RS1: variants seen among roughly 807,000 people sequenced by gnomAD.
The protein encoded by RS1 is retinoschisin.
In RS1, 2 loss-of-function variants were observed where a neutral mutation model predicts 20.8. That is an observed-to-expected ratio of 0.10 (90% CI 0.04 to 0.30). The LOEUF is 0.30. Among genes scored for constraint, RS1 ranks in the 10% least tolerant of loss-of-function variants. RS1 has a pLI of 1.00. For synonymous variants in RS1, 70 were observed against 75.8 expected (o/e 0.92, Z 0.40); for missense variants, 151 against 189.8 (o/e 0.80, Z 1.20).
At chrX:18,656,392 G>A (rs760724708) in intron 3 of RS1, among the ~76,000 whole-genome samples, 2 of 112,208 alleles carry the variant, frequency 1.8e-5, no homozygotes, top group Non-Finnish European at 3.8e-5. Flanking sequence ...CTAGGGAGCT[G>A]TTTCTGAACA....
At chrX:18,663,526 A>G (rs1367818735) in intron 1 of RS1, among the ~76,000 whole-genome samples, 1 of 108,071 alleles carries the variant, frequency 9.3e-6, no homozygotes, top group African/African-American at 3.4e-5. Context: ...ACCTATTTTT[A>G]TAGAGATGGA....
At chrX:18,649,818 C>A (rs942188633) in intron 3 of RS1, among the ~76,000 whole-genome samples, 7 of 112,089 alleles carry the variant, frequency 6.2e-5, no homozygotes, top group Non-Finnish European at 9.4e-5. Flanking sequence ...ACCCGCGACA[C>A]CCCTCCAGCT....
At chrX:18,644,967 C>T (rs1927720089) in intron 4 of RS1, among the ~76,000 whole-genome samples, 1 of 112,187 alleles carries the variant, frequency 8.9e-6, no homozygotes. Context: ...TGTTAGACCA[C>T]CAGCCCCTGC....
At chrX:18,663,993 A>G (rs1287766557) in intron 1 of RS1, among the ~76,000 whole-genome samples, 1 of 111,714 alleles carries the variant, frequency 9.0e-6, no homozygotes, top group Non-Finnish European at 1.9e-5. Context: ...TTGGAAAACT[A>G]TTTGGCAATT....
chrX:18,650,742 A>C (rs1389744562), intron 3 of RS1: 1 of 684,370 alleles, frequency 1.5e-6, no homozygotes, highest in African/African-American at 2.1e-5. Flanking sequence ...AGGTGATTGT[A>C]ATGGGCAGTC....
chrX:18,650,341 G>T, intron 3 of RS1: 1 of 1,052,494 alleles, frequency 9.5e-7, no homozygotes. Flanking sequence ...GCTTCAGCTG[G>T]TGTCTGGGAG....
intron 1 of RS1, among the ~76,000 whole-genome samples, chrX:18,659,226 C>T (rs998247755): frequency 9.0e-6 from 1 of 111,385 alleles, no homozygotes; most frequent in African/African-American, 3.3e-5. Flanking sequence ...GTAATCCTAG[C>T]ACTTTGGGAA....
chrX:18,648,246 C>CTT (rs373474294), intron 3 of RS1, among the ~76,000 whole-genome samples: 1 of 106,227 alleles, frequency 9.4e-6, no homozygotes, highest in Non-Finnish European at 2.0e-5. Context: ...CCTTCTTCTC[C>CTT]TTTTTTTTTT....
chrX:18,670,833 C>A (rs1928480979), intron 1 of RS1, among the ~76,000 whole-genome samples: 1 of 111,882 alleles, frequency 8.9e-6, no homozygotes, highest in Non-Finnish European at 1.9e-5. Flanking sequence ...GGAAAAAATC[C>A]TAACAGACAA....
At chrX:18,663,031 A>ATTTT (rs1928341355) in intron 1 of RS1, among the ~76,000 whole-genome samples, 3 of 71,853 alleles carry the variant, frequency 4.2e-5, no homozygotes, top group African/African-American at 1.8e-4. Context: ...AAGAACAATG[A>ATTTT]CTTTTTTTTT....
chrX:18,669,487 C>CAAAAAAAAAAAAAAAAAA (rs386416704), intron 1 of RS1, among the ~76,000 whole-genome samples: 10 of 58,886 alleles, frequency 1.7e-4, no homozygotes, highest in African/African-American at 2.2e-4. Flanking sequence ...GTGAAATTCT[C>CAAAAAAAAAAAAAAAAAA]AAAAAAAAAA....
rs770132814 is a variant in RS1, at chrX:18,647,826, C to T, written c.185-494G>A. Among the ~76,000 whole-genome samples, 10 of 110,651 alleles carry T rather than the reference C, an allele frequency of 9.0e-5. 1 individual carries two copies. The highest frequency in any genetic ancestry group is 3.0e-4 in the African/African-American group (9 of 30,331). On this transcript the variant is annotated intron_variant, in intron 3 of 5. Coordinates refer to ENST00000379984, the MANE Select transcript of RS1 (RefSeq NM_000330.4). ...AAACCACAGTGAGACGCAAGAAGGG[C>T]GATGACATATTGAGATATAGAGAAT...
intron 2 of RS1, 115 bp from the exon 3 acceptor site, chrX:18,656,873 A>T: frequency 1.7e-6 from 1 of 579,407 alleles, no homozygotes; most frequent in Middle Eastern, 4.5e-4. Flanking sequence ...CTTTGCTACA[A>T]TGGCCAAATT....
At position 18,661,452 on chromosome X, in the gene RS1, C is replaced by A. The variant is rs1174480094; in HGVS notation, c.53-3787G>T. The stretch of plus-strand genomic sequence containing the variant: ...TGTTACAGAGTGCTCTTTTAGTTTG[C>A]CGTCTGTAGGCGGCTTGTGTTAGTC... On this transcript the variant is annotated intron_variant, in intron 1 of 5. Coordinates refer to ENST00000379984, the MANE Select transcript of RS1 (RefSeq NM_000330.4). 3.6e-5 allele frequency among the ~76,000 whole-genome samples: 4 copies of A among 111,811 alleles called. No individual in the cohort carries two copies. The East Asian group carries it at 1.1e-3, about 32-fold the overall frequency.
chrX:18,642,124 C>T lies in RS1; in HGVS notation c.555G>A (p.Thr185=), dbSNP rs769781603. 11 of 1,211,440 alleles carry T rather than the reference C, an allele frequency of 9.1e-6. No individual in the cohort carries two copies. Among genetic ancestry groups the T allele is most frequent in the East Asian group, 3.0e-5 (1 of 33,834 alleles). ...TGGGGGGCCGCAGCAGGTTCTGAAC[C>T]GTGGAGGTGCGGTCCGAGTTGCCAT... is the stretch of plus-strand genomic sequence containing the variant. ...VFYGNSDRTS[T]VQNLLRPPII... The change falls in exon 6 of 6, where the codon ACG becomes ACA. Residue 185 remains threonine, a synonymous_variant. Transcript: ENST00000379984.
intron 2 of RS1, 64 bp from the exon 3 acceptor site, chrX:18,656,822 C>T (rs765973208): frequency 1.3e-5 from 12 of 902,265 alleles, no homozygotes; most frequent in Admixed American, 4.4e-5. Flanking sequence ...GTTGCCCCCA[C>T]GGAGTGATCA....
chrX:18,642,915 G>T (rs1315944983), intron 5 of RS1, among the ~76,000 whole-genome samples: 1 of 110,351 alleles, frequency 9.1e-6, no homozygotes, highest in Admixed American at 9.6e-5. Context: ...GCAGTGGCAG[G>T]TGCCTGTAAA....
At chrX:18,661,318 C>T (rs1569233855) in intron 1 of RS1, among the ~76,000 whole-genome samples, 1 of 111,487 alleles carries the variant, frequency 9.0e-6, no homozygotes, top group African/African-American at 3.3e-5. Flanking sequence ...TCTTCAGTGC[C>T]CCGCTGCTCA....
chrX:18,641,946 C>T lies in RS1; in HGVS notation c.*58G>A, dbSNP rs1602308628. ...CCATCTCGGTGGTGTGTGAGGGGGT[C>T]CCCTACGGCCCGCTCTGTGCCAGTC... is the stretch of plus-strand genomic sequence containing the variant. On this transcript the variant is annotated 3_prime_UTR_variant, in exon 6 of 6. Transcript: ENST00000379984. The T allele has an allele frequency of 8.7e-7, 1 of 1,155,267 alleles. No individual in the cohort carries two copies. The highest frequency in any genetic ancestry group is 1.2e-6 in the Non-Finnish European group (1 of 859,963).
Sources: allele counts gnomAD v4.1 joint callset (sites outside exome capture counted in the v4.1 genomes callset), GRCh38; gene constraint gnomAD v4.1.1; transcripts MANE v1.5; gene names NCBI Gene and HGNC (gene_info 2026-07-23, HGNC 2026-07-21).